Variants in ANKRD28 observed in about 807,000 individuals in gnomAD.
ANKRD28 encodes serine/threonine-protein phosphatase 6 regulatory ankyrin repeat subunit A.
A neutral mutation model predicts 126.5 loss-of-function variants in ANKRD28; 44 were observed. The ratio of observed to expected loss-of-function variants is 0.35; its 90% CI spans 0.27 to 0.45. The LOEUF is 0.45. ANKRD28 is among the 20% of genes least tolerant of loss of function. The pLI is 1.00. For missense variants in ANKRD28, 1,110 were observed against 1,316.6 expected, an observed-to-expected ratio of 0.84 and a Z score of 2.43; for synonymous variants, 442 against 468.5, an observed-to-expected ratio of 0.94 and a Z score of 0.73.
intron 1 of ANKRD28, among the ~76,000 whole-genome samples, chr3:15,804,489 A>T (rs2060535971): frequency 6.9e-6 from 1 of 145,730 alleles, no homozygotes; most frequent in Non-Finnish European, 1.5e-5. Context: ...TCCATGTAAA[A>T]ACTCTATCAC....
At chr3:15,813,354 A>C (rs892675499) in intron 1 of ANKRD28, among the ~76,000 whole-genome samples, 4 of 152,178 alleles carry the variant, frequency 2.6e-5, no homozygotes, top group African/African-American at 9.7e-5. Flanking sequence ...GGCAACAGTG[A>C]GACCTTGTTG....
At chr3:15,679,208 C>A in intron 23 of ANKRD28, 93 bp downstream of exon 23, 1 of 1,210,560 alleles carries the variant, frequency 8.3e-7, no homozygotes, top group South Asian at 1.3e-5. Context: ...GGCTTCAAGT[C>A]ATCCTCCCAC....
rs139771608 is a variant in ANKRD28, at chr3:15,698,174, C to T, written c.1548-1929G>A. ...TCTCAATAGATGCAGAAAAGGCCTT[C>T]GACAAAATTCAACAGCACTTCATGC... is the stretch of plus-strand genomic sequence containing the variant. On this transcript the variant is annotated intron_variant, in intron 14 of 27. Coordinates refer to ENST00000683139, the MANE Select transcript of ANKRD28 (RefSeq NM_001349278.2). Among the ~76,000 whole-genome samples the T allele has an allele frequency of 1.2e-3, 176 of 152,054 alleles. 5 individuals carry two copies. In the East Asian group the frequency reaches 0.02, roughly 17 times the overall value.
chr3:15,715,453 T>G (rs73817070), intron 8 of ANKRD28, among the ~76,000 whole-genome samples: 3,226 of 152,322 alleles, frequency 0.021, 119 homozygotes, highest in African/African-American at 0.074. Flanking sequence ...ATAATAATAA[T>G]TAGAACATCA....
intron 2 of ANKRD28, among the ~76,000 whole-genome samples, chr3:15,776,872 A>G (rs2059290937): frequency 6.6e-6 from 1 of 152,248 alleles, no homozygotes; most frequent in Non-Finnish European, 1.5e-5. Context: ...AATATATCAA[A>G]GAATTGACAG....
intron 1 of ANKRD28, among the ~76,000 whole-genome samples, chr3:15,796,088 C>T (rs1005669684): frequency 3.9e-5 from 6 of 152,108 alleles, no homozygotes; most frequent in Non-Finnish European, 8.8e-5. Flanking sequence ...GTTCCTGATT[C>T]TTGTTACATC....
At chr3:15,852,769 C>T (rs2061680475) in intron 1 of ANKRD28, among the ~76,000 whole-genome samples, 3 of 133,690 alleles carry the variant, frequency 2.2e-5, no homozygotes, top group Admixed American at 9.1e-5. Flanking sequence ...GGAGGTGGAG[C>T]TTGCAGTGAG....
intron 1 of ANKRD28, among the ~76,000 whole-genome samples, chr3:15,824,655 T>C (rs954350113): frequency 6.6e-6 from 1 of 152,334 alleles, no homozygotes; most frequent in Admixed American, 6.5e-5. Context: ...GTTTGATGAC[T>C]AAGAAGGCCC....
In ANKRD28 at chr3:15,838,951, T is replaced by A. The variant is rs191581689; in HGVS notation, c.27+20426A>T. Among the ~76,000 whole-genome samples the A allele has an allele frequency of 3.1e-3, 471 of 152,286 alleles. 3 individuals are homozygous for A. The highest frequency in any genetic ancestry group is 9.8e-3 in the African/African-American group (409 of 41,562). ...GCAACGAAGAACCAATTAATACATG[T>A]TACAACATGAATGAACCTCAACAAC... On this transcript the variant is annotated intron_variant, in intron 1 of 27. Coordinates refer to the ANKRD28 transcript ENST00000399451. This position sits in a 1 kb window ranked among gnomAD's most constrained non-coding sequence, Gnocchi z 4.0.
At chr3:15,751,561 G>A (rs79900684) in intron 4 of ANKRD28, among the ~76,000 whole-genome samples, 189 bp downstream of exon 4, 2,872 of 152,262 alleles carry the variant, frequency 0.019, 206 homozygotes, top group Admixed American at 0.11. Context: ...CAGACTGCAA[G>A]AGGCCTTATA....
rs1482877820 is a variant in ANKRD28, at chr3:15,675,882, T to C, written c.2965+16A>G. 1 of 1,593,526 alleles carries C rather than the reference T, an allele frequency of 6.3e-7. No homozygotes were observed. The highest frequency in any genetic ancestry group is 1.1e-5 in the South Asian group (1 of 89,310). ...AAAGCTCTAGGTTAAGGGAAGAGAA[T>C]ATAGAACCAACTTACCATTTTCATC... On this transcript the variant is annotated intron_variant, in intron 27 of 27. Coordinates refer to ENST00000683139, the MANE Select transcript of ANKRD28 (RefSeq NM_001349278.2).
chr3:15,826,609 T>C (rs2061072076), intron 1 of ANKRD28, among the ~76,000 whole-genome samples: 1 of 152,200 alleles, frequency 6.6e-6, no homozygotes, highest in South Asian at 2.1e-4. Context: ...AAAGCAAATA[T>C]GGCAAAGTAT....
At chr3:15,781,254 A>C (rs1433321704) in intron 2 of ANKRD28, among the ~76,000 whole-genome samples, 2 of 152,174 alleles carry the variant, frequency 1.3e-5, no homozygotes, top group Non-Finnish European at 2.9e-5. Flanking sequence ...ATCTGACTGA[A>C]TTAAAGGATA....
intron 1 of ANKRD28, among the ~76,000 whole-genome samples, chr3:15,828,337 C>A (rs2061114834): frequency 6.6e-6 from 1 of 152,076 alleles, no homozygotes; most frequent in Non-Finnish European, 1.5e-5. Flanking sequence ...CGCGGTGGCT[C>A]ATGCCTGTAA....
At chr3:15,801,598 A>G (rs2060467486), upstream of ANKRD28, among the ~76,000 whole-genome samples, 1 of 152,226 alleles carries the variant, frequency 6.6e-6, no homozygotes, top group South Asian at 2.1e-4. This position sits in a 1 kb window ranked among gnomAD's most constrained non-coding sequence, Gnocchi z 4.9. Context: ...GCTACGCCTC[A>G]TCTATCCATA....
upstream of ANKRD28, among the ~76,000 whole-genome samples, chr3:15,802,684 A>G (rs1424655211): frequency 6.6e-6 from 1 of 152,208 alleles, no homozygotes; most frequent in Non-Finnish European, 1.5e-5. Context: ...CAATCAGAGG[A>G]GAGAGAAAGA....
At chr3:15,784,775 T>C (rs988435181) in intron 2 of ANKRD28, among the ~76,000 whole-genome samples, 1 of 151,994 alleles carries the variant, frequency 6.6e-6, no homozygotes, top group Non-Finnish European at 1.5e-5. Flanking sequence ...CCTTTTAAAA[T>C]ATAAAGATGC....
intron 8 of ANKRD28, among the ~76,000 whole-genome samples, chr3:15,716,281 CT>C (rs373633047): frequency 0.035 from 3,996 of 113,666 alleles, 158 homozygotes; most frequent in African/African-American, 0.1. Flanking sequence ...CGCACCTGGA[CT>C]TTTTTTTTTT....
At chr3:15,749,424 T>G (rs2057724920) in intron 4 of ANKRD28, among the ~76,000 whole-genome samples, 1 of 152,218 alleles carries the variant, frequency 6.6e-6, no homozygotes, top group Non-Finnish European at 1.5e-5. Flanking sequence ...TGTTTTTAAT[T>G]TAAGTTGGAC....
Sources: gnomAD v4.1 joint callset for allele counts (sites outside exome capture counted in the v4.1 genomes callset) on GRCh38, gnomAD v4.1.1 for gene constraint, Gnocchi (gnomAD v3.1) non-coding constraint, MANE v1.5 for transcripts, NCBI Gene and HGNC (gene_info 2026-07-23, HGNC 2026-07-21) for gene names.